The following LRRC37A2 variants were observed in gnomAD, a reference collection of about 807,000 sequenced individuals.
LRRC37A2 encodes the protein leucine rich repeat containing 37 member A2.
In LRRC37A2, 9 loss-of-function variants were observed where a neutral mutation model predicts 68.8. That is an observed-to-expected ratio of 0.13 (90% CI 0.08 to 0.23). The LOEUF is 0.23. LRRC37A2 is among the 10% of genes least tolerant of loss of function. The probability of loss-of-function intolerance (pLI) is 1.00; values close to 1 mark genes in which losing one functional copy is unlikely to be tolerated. For synonymous variants in LRRC37A2, 63 were observed against 367.6 expected, an observed-to-expected ratio of 0.17 and a Z score of 9.48; for missense variants, 168 against 950.4, an observed-to-expected ratio of 0.18 and a Z score of 10.82.
chr17:47,014,685 G>A, the LRRC37A2 span, among the ~76,000 whole-genome samples: 2 of 151,912 alleles, frequency 1.3e-5, no homozygotes, highest in African/African-American at 4.8e-5. Context: ...CAGGAGTAAG[G>A]GATGCTGGGC....
the LRRC37A2 span, among the ~76,000 whole-genome samples, chr17:46,724,013 C>T: frequency 6.6e-6 from 1 of 152,172 alleles, no homozygotes; most frequent in African/African-American, 2.4e-5. Context: ...TTCATCTCAC[C>T]TACCACTCCA....
chr17:46,865,691 C>T, the LRRC37A2 span, among the ~76,000 whole-genome samples: 1 of 152,254 alleles, frequency 6.6e-6, no homozygotes, highest in East Asian at 1.9e-4. Context: ...TCATGGCCCA[C>T]TGCAGCCTTG....
the LRRC37A2 span, among the ~76,000 whole-genome samples, chr17:46,950,023 G>C: frequency 8.4e-4 from 128 of 152,368 alleles, no homozygotes; most frequent in African/African-American, 2.9e-3. Flanking sequence ...TGAGCAGTGT[G>C]TGTTGAAGAG....
the LRRC37A2 span, among the ~76,000 whole-genome samples, chr17:46,792,440 G>C: frequency 6.6e-6 from 1 of 152,190 alleles, no homozygotes; most frequent in East Asian, 1.9e-4. Context: ...AAGTAAGGTA[G>C]TAAGGAGCCT....
chr17:46,966,523 A>AT, the LRRC37A2 span: 1 of 687,988 alleles, frequency 1.5e-6, no homozygotes, highest in Admixed American at 2.1e-5. Flanking sequence ...AATTTTTTGT[A>AT]TTTTTTGCAG....
chr17:46,951,015 G>A, the LRRC37A2 span, among the ~76,000 whole-genome samples: 21 of 152,152 alleles, frequency 1.4e-4, no homozygotes, highest in Non-Finnish European at 2.5e-4. Flanking sequence ...TGTGGCCCTC[G>A]CCCCAACTAC....
chr17:46,993,673 A>C, the LRRC37A2 span, among the ~76,000 whole-genome samples: 1 of 152,212 alleles, frequency 6.6e-6, no homozygotes, highest in African/African-American at 2.4e-5. Context: ...CATCAACACA[A>C]CCTGTATCCC....
At chr17:47,037,951 C>T in the LRRC37A2 span, among the ~76,000 whole-genome samples, 1 of 152,018 alleles carries the variant, frequency 6.6e-6, no homozygotes, top group African/African-American at 2.4e-5. Flanking sequence ...ATATTATAAT[C>T]CTTTATGTCT....
At chr17:47,021,169 G>T in the LRRC37A2 span, among the ~76,000 whole-genome samples, 1 of 152,178 alleles carries the variant, frequency 6.6e-6, no homozygotes. Flanking sequence ...GCCATTGAAA[G>T]TTTCCAAGCA....
chr17:47,001,842 C>G, the LRRC37A2 span, among the ~76,000 whole-genome samples: 1 of 151,670 alleles, frequency 6.6e-6, no homozygotes, highest in Non-Finnish European at 1.5e-5. Flanking sequence ...CTGCCTCAGC[C>G]TCCCGAGTAG....
At chr17:46,722,090 G>A in the LRRC37A2 span, 16 of 1,610,846 alleles carry the variant, frequency 9.9e-6, no homozygotes, top group East Asian at 2.9e-4. Context: ...CTCCAGAAGA[G>A]CCTGGGAGAT....
At chr17:46,569,277 A>T in the LRRC37A2 span, among the ~76,000 whole-genome samples, 14 of 150,906 alleles carry the variant, frequency 9.3e-5, no homozygotes, top group Admixed American at 6.6e-4. Flanking sequence ...TGGAGAAATT[A>T]GAATAAGGAC....
At chr17:46,416,960 T>C in the LRRC37A2 span, among the ~76,000 whole-genome samples, 5 of 113,570 alleles carry the variant, frequency 4.4e-5, no homozygotes, top group African/African-American at 1.4e-4. Flanking sequence ...TCGCTGGGCA[T>C]GGTGGTGTGC....
the LRRC37A2 span, among the ~76,000 whole-genome samples, chr17:46,765,003 CT>C: frequency 6.6e-6 from 1 of 152,372 alleles, no homozygotes; most frequent in East Asian, 1.9e-4. Context: ...CAGGCATGCA[CT>C]GTGTTTTTGT....
the LRRC37A2 span, among the ~76,000 whole-genome samples, chr17:47,043,035 T>C: frequency 6.6e-6 from 1 of 150,872 alleles, no homozygotes; most frequent in Non-Finnish European, 1.5e-5. Flanking sequence ...ATAAGGTATT[T>C]GCTGATCACA....
chr17:46,741,187 C>A, the LRRC37A2 span, among the ~76,000 whole-genome samples: 1 of 152,178 alleles, frequency 6.6e-6, no homozygotes, highest in Admixed American at 6.5e-5. Flanking sequence ...TTACCTCTCA[C>A]CCCAGGTTTC....
the LRRC37A2 span, chr17:47,033,289 C>A: frequency 7.6e-6 from 5 of 659,788 alleles, no homozygotes; most frequent in East Asian, 1.1e-4. Context: ...GTTTCAGATT[C>A]TCTAGATTTT....
At chr17:46,726,670 C>A in the LRRC37A2 span, 1 of 1,427,682 alleles carries the variant, frequency 7.0e-7, no homozygotes, top group Non-Finnish European at 9.9e-7. Context: ...GCTAATATCT[C>A]AAAAGTTACA....
the LRRC37A2 span, chr17:46,949,287 C>T: frequency 6.6e-6 from 1 of 152,364 alleles, no homozygotes; most frequent in African/African-American, 2.4e-5. Flanking sequence ...TCTGGAACAC[C>T]TGCACACGGC....
Sources: gnomAD v4.1 joint callset for allele counts (sites outside exome capture counted in the v4.1 genomes callset) on GRCh38, gnomAD v4.1.1 for gene constraint, MANE v1.5 for transcripts, NCBI Gene and HGNC (gene_info 2026-07-23, HGNC 2026-07-21) for gene names.